The following CSMD1 variants were observed in gnomAD, a reference collection of about 807,000 sequenced individuals.
The protein encoded by CSMD1 is CUB and Sushi multiple domains 1, also known as CUB and sushi domain-containing protein 1.
CSMD1 carries 213 observed loss-of-function variants against 417.5 expected under a neutral mutation model. The observed-to-expected ratio is 0.51, with a 90% CI of 0.46 to 0.57. The LOEUF is 0.57. Among genes scored for constraint, CSMD1 ranks in the 20% least tolerant of loss-of-function variants. CSMD1 has a pLI of 0.00. For synonymous variants in CSMD1, 2,862 were observed against 1,736.8 expected, an observed-to-expected ratio of 1.65 and a Z score of -16.11; for missense variants, 6,923 against 4,529.7, an observed-to-expected ratio of 1.53 and a Z score of -15.17.
chr8:3,488,659 G>C (rs553694847), intron 11 of CSMD1, among the ~76,000 whole-genome samples: 2 of 151,994 alleles, frequency 1.3e-5, no homozygotes, highest in Non-Finnish European at 2.9e-5. Flanking sequence ...ATAATATTTG[G>C]CATTCAATAA....
chr8:2,975,382 T>G (rs1325216323), intron 55 of CSMD1, among the ~76,000 whole-genome samples: 1 of 152,202 alleles, frequency 6.6e-6, no homozygotes, highest in Non-Finnish European at 1.5e-5. Flanking sequence ...AATTTTTATC[T>G]ATATGCAAAA....
At chr8:3,794,974 T>C (rs1041940344) in intron 5 of CSMD1, among the ~76,000 whole-genome samples, 4 of 151,832 alleles carry the variant, frequency 2.6e-5, no homozygotes, top group South Asian at 2.1e-4. Context: ...TGTATAGCTA[T>C]AGATATATAT....
At chr8:3,907,541 T>A (rs1023187935) in intron 5 of CSMD1, among the ~76,000 whole-genome samples, 1 of 152,180 alleles carries the variant, frequency 6.6e-6, no homozygotes, top group South Asian at 2.1e-4. Flanking sequence ...GCTTTATTTT[T>A]AAGGAATGGC....
At chr8:4,975,611 A>G (rs995524886) in intron 1 of CSMD1, among the ~76,000 whole-genome samples, 1 of 152,202 alleles carries the variant, frequency 6.6e-6, no homozygotes, top group African/African-American at 2.4e-5. Context: ...TGTAGGCTCC[A>G]GGTACAAGTA....
intron 1 of CSMD1, among the ~76,000 whole-genome samples, chr8:4,983,662 A>G (rs1811017560): frequency 6.6e-6 from 1 of 152,092 alleles, no homozygotes; most frequent in African/African-American, 2.4e-5. Flanking sequence ...AGCTTGGATT[A>G]CGGGTGCCAG....
chr8:4,248,301 T>C (rs375223815), intron 3 of CSMD1, among the ~76,000 whole-genome samples: 1 of 152,064 alleles, frequency 6.6e-6, no homozygotes, highest in East Asian at 1.9e-4. Context: ...CAATCTGAAT[T>C]TATATACTAA....
chr8:3,049,443 A>C (rs1473446333), intron 50 of CSMD1, among the ~76,000 whole-genome samples: 2 of 152,132 alleles, frequency 1.3e-5, no homozygotes, highest in African/African-American at 4.8e-5. Context: ...TCATGGAGGA[A>C]ACTTAAACGC....
At chr8:4,636,557 A>G (rs1563356222) in intron 2 of CSMD1, among the ~76,000 whole-genome samples, 1 of 152,178 alleles carries the variant, frequency 6.6e-6, no homozygotes, top group African/African-American at 2.4e-5. Flanking sequence ...GTACTCAAGA[A>G]TTTATCTTTG....
chr8:4,111,735 CAGAG>C (rs1455602443), intron 3 of CSMD1, among the ~76,000 whole-genome samples: 2 of 152,098 alleles, frequency 1.3e-5, no homozygotes, highest in Non-Finnish European at 2.9e-5. Context: ...CACATGGAAA[CAGAG>C]AGGGCAACAA....
At chr8:4,022,505 T>G (rs545953081) in intron 4 of CSMD1, among the ~76,000 whole-genome samples, 20 of 152,066 alleles carry the variant, frequency 1.3e-4, no homozygotes, top group Non-Finnish European at 2.9e-4. Context: ...GAAGCAACAT[T>G]TGGTAGAAAG....
At chr8:4,888,478 C>G (rs1803896068) in intron 1 of CSMD1, among the ~76,000 whole-genome samples, 1 of 151,724 alleles carries the variant, frequency 6.6e-6, no homozygotes, top group Non-Finnish European at 1.5e-5. Flanking sequence ...TGTGTGAGCA[C>G]ACATACAGAA....
chr8:4,864,311 GGAT>G (rs1802302456), intron 1 of CSMD1, among the ~76,000 whole-genome samples: 1 of 151,382 alleles, frequency 6.6e-6, no homozygotes, highest in Non-Finnish European at 1.5e-5. Context: ...AACTAAAAAA[GGAT>G]GATGCCAAAT....
intron 5 of CSMD1, among the ~76,000 whole-genome samples, chr8:3,982,197 A>T (rs969484173): frequency 9.5e-6 from 1 of 105,540 alleles, no homozygotes; most frequent in Non-Finnish European, 2.1e-5. Context: ...TAATATTAAT[A>T]AAAAAAATAA....
intron 4 of CSMD1, among the ~76,000 whole-genome samples, chr8:4,008,545 C>G (rs111754195): frequency 2.1e-5 from 3 of 142,906 alleles, no homozygotes; most frequent in African/African-American, 7.8e-5. Flanking sequence ...CAGATAAATA[C>G]TTGATTGTTA....
chr8:4,525,598 G>A (rs936000618), intron 2 of CSMD1, among the ~76,000 whole-genome samples: 1 of 152,150 alleles, frequency 6.6e-6, no homozygotes, highest in African/African-American at 2.4e-5. Flanking sequence ...GTTTATACAT[G>A]AAGTATGAAT....
chr8:4,473,879 G>A (rs1482422865), intron 2 of CSMD1, among the ~76,000 whole-genome samples: 6 of 152,144 alleles, frequency 3.9e-5, no homozygotes, highest in Non-Finnish European at 7.4e-5. Flanking sequence ...ATATATGAGA[G>A]AGGTAGCTTT....
intron 2 of CSMD1, among the ~76,000 whole-genome samples, chr8:4,520,392 G>A (rs969735392): frequency 1.3e-5 from 2 of 152,150 alleles, no homozygotes; most frequent in African/African-American, 4.8e-5. Context: ...TTCATATAAT[G>A]TTGGCTAGCT....
intron 1 of CSMD1, among the ~76,000 whole-genome samples, chr8:4,915,669 AGCGCCCGGC>A (rs1806014034): frequency 6.6e-6 from 1 of 152,216 alleles, no homozygotes; most frequent in East Asian, 1.9e-4. Flanking sequence ...AGGGAACGTT[AGCGCCCGGC>A]GGCAGTGGAT....
intron 12 of CSMD1, among the ~76,000 whole-genome samples, chr8:3,421,647 CT>C (rs749044842): frequency 6.6e-6 from 1 of 151,888 alleles, no homozygotes; most frequent in East Asian, 1.9e-4. Flanking sequence ...ATGTCTTTTT[CT>C]TTTTTTTGAG....
Sources: gnomAD v4.1 joint callset for allele counts (sites outside exome capture counted in the v4.1 genomes callset) on GRCh38, gnomAD v4.1.1 for gene constraint, MANE v1.5 for transcripts, NCBI Gene and HGNC (gene_info 2026-07-23, HGNC 2026-07-21) for gene names.